Variants in AGBL4 observed in about 807,000 individuals in gnomAD.
AGBL4 encodes cytosolic carboxypeptidase 6.
AGBL4 carries 58 observed loss-of-function variants against 66.4 expected under a neutral mutation model. That is an observed-to-expected ratio of 0.87 (90% CI 0.71 to 1.09). The LOEUF is 1.09. AGBL4 is among the 50% of genes least tolerant of loss of function. The pLI is 0.00. For synonymous variants in AGBL4, 234 were observed against 222.9 expected, an observed-to-expected ratio of 1.05 and a Z score of -0.44; for missense variants, 579 against 631.0, an observed-to-expected ratio of 0.92 and a Z score of 0.88.
chr1:49,510,113 T>G (rs966158882), intron 3 of AGBL4, among the ~76,000 whole-genome samples: 1 of 151,968 alleles, frequency 6.6e-6, no homozygotes, highest in Admixed American at 6.6e-5. Context: ...CCCCATAGCA[T>G]CATCCTCTAG....
At chr1:49,552,566 C>G (rs889029561) in intron 3 of AGBL4, among the ~76,000 whole-genome samples, 6 of 152,190 alleles carry the variant, frequency 3.9e-5, no homozygotes, top group African/African-American at 1.2e-4. Context: ...TGCAAACAGG[C>G]CTTCAGTTTC....
intron 1 of AGBL4, among the ~76,000 whole-genome samples, chr1:49,993,000 A>C (rs1404772245): frequency 6.6e-6 from 1 of 152,192 alleles, no homozygotes; most frequent in Non-Finnish European, 1.5e-5. Flanking sequence ...CATCATTACT[A>C]TTCCATCCTT....
chr1:49,126,274 C>T (rs960480705), intron 4 of AGBL4, among the ~76,000 whole-genome samples: 3 of 152,158 alleles, frequency 2.0e-5, no homozygotes, highest in African/African-American at 7.2e-5. Context: ...TAATGTTTAA[C>T]TAACTTGCCC....
At chr1:48,597,268 G>C (rs1057132645) in intron 9 of AGBL4, among the ~76,000 whole-genome samples, 15 of 152,150 alleles carry the variant, frequency 9.9e-5, no homozygotes, top group Admixed American at 2.6e-4. Context: ...AATATCTACT[G>C]TGAACCTACT....
chr1:49,163,211 A>G (rs1646571144), intron 4 of AGBL4, among the ~76,000 whole-genome samples: 1 of 152,294 alleles, frequency 6.6e-6, no homozygotes, highest in East Asian at 1.9e-4. Flanking sequence ...TACTCATTCA[A>G]CAAATATTTG....
intron 3 of AGBL4, among the ~76,000 whole-genome samples, chr1:49,626,478 A>G (rs984540146): frequency 2.0e-5 from 3 of 152,162 alleles, no homozygotes; most frequent in Non-Finnish European, 4.4e-5. Context: ...TATCTAAAGA[A>G]TGAATTGCTG....
At chr1:49,932,437 C>T (rs1653464053) in intron 1 of AGBL4, among the ~76,000 whole-genome samples, 1 of 152,014 alleles carries the variant, frequency 6.6e-6, no homozygotes, top group Non-Finnish European at 1.5e-5. Context: ...ATCTTTGTAA[C>T]CTTCAGACAG....
At chr1:49,103,276 C>G in intron 4 of AGBL4, among the ~76,000 whole-genome samples, 1 of 152,060 alleles carries the variant, frequency 6.6e-6, no homozygotes, top group South Asian at 2.1e-4. Flanking sequence ...GTCCCTTAAC[C>G]CAGGACTCTC....
chr1:49,831,444 T>G (rs1645675159), intron 2 of AGBL4, among the ~76,000 whole-genome samples: 1 of 152,206 alleles, frequency 6.6e-6, no homozygotes, highest in Non-Finnish European at 1.5e-5. Flanking sequence ...CTTGTGATTT[T>G]TGCATATTGA....
intron 4 of AGBL4, among the ~76,000 whole-genome samples, chr1:49,222,137 A>G (rs561439078): frequency 1.8e-4 from 27 of 152,284 alleles, no homozygotes; most frequent in African/African-American, 6.0e-4. Flanking sequence ...CTATCTGTCT[A>G]TATAAGCAAT....
intron 3 of AGBL4, among the ~76,000 whole-genome samples, chr1:49,577,405 T>C (rs553102982): frequency 6.6e-6 from 1 of 152,284 alleles, no homozygotes; most frequent in African/African-American, 2.4e-5. Flanking sequence ...CACTGCTGAG[T>C]GCCCAATTTG....
At chr1:49,928,239 TTTTTTA>T (rs1020434740) in intron 1 of AGBL4, among the ~76,000 whole-genome samples, 22 of 152,176 alleles carry the variant, frequency 1.4e-4, no homozygotes, top group African/African-American at 4.8e-4. Flanking sequence ...ACCTTTTTTA[TTTTTTA>T]TTTTTATTTT....
At chr1:48,604,618 T>A (rs319975) in intron 9 of AGBL4, among the ~76,000 whole-genome samples, 32,992 of 151,686 alleles carry the variant, frequency 0.22, 4,262 homozygotes, top group African/African-American at 0.36. Context: ...GGTTTTTTTT[T>A]AAAAAAAATT....
intron 4 of AGBL4, among the ~76,000 whole-genome samples, chr1:49,229,624 T>C (rs80204627): frequency 0.093 from 14,102 of 152,274 alleles, 905 homozygotes; most frequent in East Asian, 0.31. Context: ...AAAACATTTG[T>C]ATTCCTTGAT....
Position 49,014,074 on chromosome 1 carries a change from T to C in AGBL4, c.594+31510A>G, listed in dbSNP as rs534860256. 6.6e-5 allele frequency among the ~76,000 whole-genome samples: 10 copies of C among 152,314 alleles called. No individual in the cohort carries two copies. In the East Asian group the frequency reaches 1.9e-3, roughly 29 times the overall value. On this transcript the variant is annotated intron_variant, in intron 5 of 13. Transcript: ENST00000371839. ...TCTCTCTAATGCAATAAAAAAACCC[T>C]GAGGAAGTGGTTTCACTGATTGTGT... is the stretch of plus-strand genomic sequence containing the variant.
intron 11 of AGBL4, among the ~76,000 whole-genome samples, chr1:48,556,971 GTAGAGACGGGATTTCAC>G (rs1344076826): frequency 2.0e-5 from 3 of 152,002 alleles, no homozygotes; most frequent in Non-Finnish European, 4.4e-5. Flanking sequence ...TTGTATTTTA[GTAGAGACGGGATTTCAC>G]TATGTTGCCC....
At chr1:49,498,567 C>T (rs145238786) in intron 3 of AGBL4, among the ~76,000 whole-genome samples, 196 of 151,040 alleles carry the variant, frequency 1.3e-3, no homozygotes, top group African/African-American at 4.5e-3. Flanking sequence ...AGTTGGAGGA[C>T]ATTTTGCTAA....
At chr1:49,734,852 AT>A (rs994137613) in intron 2 of AGBL4, among the ~76,000 whole-genome samples, 1 of 152,042 alleles carries the variant, frequency 6.6e-6, no homozygotes, top group Non-Finnish European at 1.5e-5. Context: ...AACTTATATT[AT>A]TTTATTTCAA....
chr1:48,584,753 C>T (rs1437653827), intron 11 of AGBL4: 1 of 152,300 alleles, frequency 6.6e-6, no homozygotes, highest in Non-Finnish European at 1.5e-5. Context: ...TTAGATGTCT[C>T]TTTTCCTGGG....
Sources: gnomAD v4.1 joint callset for allele counts (sites outside exome capture counted in the v4.1 genomes callset) on GRCh38, gnomAD v4.1.1 for gene constraint, MANE v1.5 for transcripts, NCBI Gene and HGNC (gene_info 2026-07-23, HGNC 2026-07-21) for gene names.